The following PDCD6IP variants were observed in gnomAD, a reference collection of about 807,000 sequenced individuals.
The protein encoded by PDCD6IP is programmed cell death 6-interacting protein.
PDCD6IP carries 43 observed loss-of-function variants against 103.7 expected under a neutral mutation model. The ratio of observed to expected loss-of-function variants is 0.41; its 90% CI spans 0.32 to 0.53. PDCD6IP has a LOEUF of 0.53. Ranked by LOEUF, PDCD6IP falls within the 20% of genes least tolerant of loss-of-function variation. The probability of loss-of-function intolerance (pLI) is 0.16; values close to 1 mark genes in which losing one functional copy is unlikely to be tolerated. For missense variants in PDCD6IP, 871 were observed against 1,036.7 expected (o/e 0.84, Z 2.20); for synonymous variants, 354 against 378.7 (o/e 0.93, Z 0.76).
intron 15 of PDCD6IP, among the ~76,000 whole-genome samples, chr3:33,855,957 C>T (rs1697818636): frequency 6.6e-6 from 1 of 152,196 alleles, no homozygotes; most frequent in African/African-American, 2.4e-5. Context: ...CTGTTAGGCA[C>T]TGGGCTGCAC....
At chr3:33,835,196 ATTC>A (rs1422641579) in intron 7 of PDCD6IP, 1 of 455,816 alleles carries the variant, frequency 2.2e-6, no homozygotes, top group Non-Finnish European at 4.4e-6. Flanking sequence ...TTAAAAAAAA[ATTC>A]TTATTGATGT....
intron 1 of PDCD6IP, chr3:33,799,368 T>A (rs1696416672): frequency 6.2e-6 from 1 of 160,272 alleles, no homozygotes; most frequent in African/African-American, 2.4e-5. Flanking sequence ...GTGGGGGAAG[T>A]GGGGGAATTG....
rs756056991 is a variant in PDCD6IP, at chr3:33,828,910, C to A, written c.775C>A (p.His259Asn). 6.2e-7 allele frequency: 1 copy of A among 1,611,388 alleles called. No individual in the cohort carries two copies. Among genetic ancestry groups the A allele is most frequent in the Non-Finnish European group, 8.5e-7 (1 of 1,178,388 alleles). Reference protein sequence around the residue: ...HCIMQANAEYHQSILAKQQKK... With the variant: ...HCIMQANAEYNQSILAKQQKK... ...TATCATGCAGGCCAATGCTGAGTAC[C>A]ATCAGTCTATCCTGGCAAAACAGCA... The change falls in exon 7 of 18, where the codon CAT becomes AAT. Residue 259 changes from histidine to asparagine, a missense_variant. Around this residue, in one of 5 missense-constraint regions of PDCD6IP, gnomAD observed 242 missense variants for 250.7 expected, o/e 0.97. Transcript: ENST00000307296.
At chr3:33,860,119 C>T (rs981772628) in intron 15 of PDCD6IP, among the ~76,000 whole-genome samples, 10 of 152,176 alleles carry the variant, frequency 6.6e-5, no homozygotes, top group South Asian at 2.1e-4. Context: ...GGCTTGTTTA[C>T]GCACAAGGAA....
chr3:33,854,815 T>G (rs1697792421), intron 14 of PDCD6IP: 1 of 157,228 alleles, frequency 6.4e-6, no homozygotes, highest in Non-Finnish European at 1.4e-5. Context: ...TGCTTGCATT[T>G]CTGTAGTGAA....
At chr3:33,843,188 C>T (rs1697514648) in intron 10 of PDCD6IP, among the ~76,000 whole-genome samples, 1 of 152,132 alleles carries the variant, frequency 6.6e-6, no homozygotes, top group South Asian at 2.1e-4. Context: ...TCCAGACAGG[C>T]ATGTTTTCTT....
At chr3:33,835,302 G>T (rs760645893) in intron 7 of PDCD6IP, 2 of 456,708 alleles carry the variant, frequency 4.4e-6, no homozygotes, top group South Asian at 3.1e-5. Context: ...CTGCCTTCAT[G>T]TGAAGGAGTG....
At chr3:33,813,447 A>G in intron 2 of PDCD6IP, 112 bp from the exon 3 acceptor site, 1 of 682,660 alleles carries the variant, frequency 1.5e-6, no homozygotes, top group South Asian at 2.0e-5. Flanking sequence ...AGGAGATAAT[A>G]TTTTGAGCTT....
intron 15 of PDCD6IP, among the ~76,000 whole-genome samples, chr3:33,858,585 C>T (rs1207966996): frequency 3.9e-5 from 6 of 152,112 alleles, no homozygotes; most frequent in Non-Finnish European, 8.8e-5. Flanking sequence ...CTGAGGCGGG[C>T]GGATCACGAG....
At chr3:33,818,666 G>A (rs759235735) in intron 3 of PDCD6IP, among the ~76,000 whole-genome samples, 2 of 151,686 alleles carry the variant, frequency 1.3e-5, no homozygotes, top group Non-Finnish European at 2.9e-5. Flanking sequence ...CTACAGGTGT[G>A]CGCCACCACG....
At chr3:33,852,923 TTC>T (rs763881713) in intron 13 of PDCD6IP, among the ~76,000 whole-genome samples, 187 bp downstream of exon 13, 10,230 of 142,176 alleles carry the variant, frequency 0.072, 344 homozygotes, top group Non-Finnish European at 0.087. Context: ...ACAAAGTCAC[TTC>T]TTTTTTTTTT....
In PDCD6IP at chr3:33,861,966, A is replaced by G. The variant is rs192801451; in HGVS notation, c.2121-2040A>G. 6.2e-4 allele frequency among the ~76,000 whole-genome samples: 94 copies of G among 152,168 alleles called. 1 individual carries two copies. In the Middle Eastern group the frequency reaches 0.014, roughly 22 times the overall value. On this transcript the variant is annotated intron_variant, in intron 15 of 17. Transcript: ENST00000307296. ...TTGGGCATAGTACTAGTGGCATTTT[A>G]TTTTATATCTTTTTGCTCTTTTACA... is the stretch of plus-strand genomic sequence containing the variant.
At chr3:33,865,933 T>C (rs1275926421) in intron 17 of PDCD6IP, among the ~76,000 whole-genome samples, 5 of 152,222 alleles carry the variant, frequency 3.3e-5, no homozygotes, top group Middle Eastern at 3.2e-3. Flanking sequence ...AAATTTTACT[T>C]AGTAAGTACA....
intron 1 of PDCD6IP, among the ~76,000 whole-genome samples, chr3:33,810,217 C>T (rs187201679): frequency 4.2e-4 from 64 of 152,128 alleles, no homozygotes; most frequent in African/African-American, 1.4e-3. Context: ...ACTATGGTAC[C>T]GTAGGATAGA....
chr3:33,864,070 T>G lies in PDCD6IP; in HGVS notation c.2185T>G (p.Ser729Ala). 6.2e-7 allele frequency: 1 copy of G among 1,614,056 alleles called. No homozygotes were observed. The highest frequency in any genetic ancestry group is 1.1e-5 in the South Asian group (1 of 91,078). Residue 729 changes from serine to alanine, a missense_variant, in exon 16 of 18, where the codon TCC becomes GCC. By Grantham distance (99) the Ser-to-Ala change is moderately conservative (BLOSUM62 1). Around this residue, in one of 5 missense-constraint regions of PDCD6IP, gnomAD observed 202 missense variants for 205.2 expected, o/e 0.98. Transcript: ENST00000307296. ...TTCAATTCCTACACCTGCGTATCAG[T>G]CCTCACCAGCAGGAGGACATGCACC... ...APSIPTPAYQ[S>A]SPAGGHAPTP...
At chr3:33,800,532 TCAG>T (rs1553704218) in intron 1 of PDCD6IP, among the ~76,000 whole-genome samples, 1 of 152,194 alleles carries the variant, frequency 6.6e-6, no homozygotes, top group Non-Finnish European at 1.5e-5. Flanking sequence ...AATAGATTGC[TCAG>T]AGGAATTAAG....
chr3:33,828,742 A>G (rs1282109036), intron 6 of PDCD6IP, 111 bp from the exon 7 acceptor site: 7 of 1,130,498 alleles, frequency 6.2e-6, no homozygotes, highest in Non-Finnish European at 6.5e-6. Flanking sequence ...CTAAACCATT[A>G]ATGGGGTGAT....
intron 1 of PDCD6IP, among the ~76,000 whole-genome samples, chr3:33,810,715 C>T (rs1696697605): frequency 6.6e-6 from 1 of 152,092 alleles, no homozygotes; most frequent in Non-Finnish European, 1.5e-5. Flanking sequence ...CTAAAGTGGG[C>T]AGATTGCTTG....
chr3:33,853,007 T>C (rs1291882282), intron 13 of PDCD6IP, among the ~76,000 whole-genome samples: 1 of 149,762 alleles, frequency 6.7e-6, no homozygotes, highest in Non-Finnish European at 1.5e-5. Flanking sequence ...CACTGCAAGC[T>C]CCGCCTCCCG....
Sources: allele counts gnomAD v4.1 joint callset (sites outside exome capture counted in the v4.1 genomes callset), GRCh38; gene constraint gnomAD v4.1.1; regional missense constraint gnomAD v4.1.1; transcripts MANE v1.5; gene names NCBI Gene and HGNC (gene_info 2026-07-23, HGNC 2026-07-21).